The following CTNND2 variants were observed in gnomAD, a reference collection of about 807,000 sequenced individuals.
The protein encoded by CTNND2 is catenin delta 2.
Under a neutral mutation model 144.4 loss-of-function variants are expected in CTNND2, and 22 were observed. The observed-to-expected ratio is 0.15, with a 90% confidence interval of 0.11 to 0.22. The LOEUF (loss-of-function observed/expected upper bound fraction) is 0.22. Ranked by LOEUF, CTNND2 falls within the 10% of genes least tolerant of loss-of-function variation. The pLI is 1.00. For synonymous variants in CTNND2, 751 were observed against 695.6 expected (o/e 1.08, Z -1.25); for missense variants, 1,353 against 1,618.8 (o/e 0.84, Z 2.82).
chr5:11,395,747 G>A (rs61749798), intron 6 of CTNND2, among the ~76,000 whole-genome samples: 1 of 152,200 alleles, frequency 6.6e-6, no homozygotes, highest in Non-Finnish European at 1.5e-5. Context: ...AGAAGGTAAT[G>A]ACATTTTAAA....
chr5:11,168,967 G>A (rs1353665106), intron 11 of CTNND2, among the ~76,000 whole-genome samples: 1 of 152,158 alleles, frequency 6.6e-6, no homozygotes, highest in Non-Finnish European at 1.5e-5. Context: ...TCCTATCCCT[G>A]TGTTAGACCA....
chr5:11,423,247 T>C (rs1461872861), intron 3 of CTNND2, among the ~76,000 whole-genome samples: 3 of 152,236 alleles, frequency 2.0e-5, no homozygotes, highest in Admixed American at 6.5e-5. Context: ...GCATTCTATA[T>C]GCCACAATGA....
At chr5:11,546,432 TAGA>T (rs201387149) in intron 3 of CTNND2, among the ~76,000 whole-genome samples, 1,659 of 152,262 alleles carry the variant, frequency 0.011, 31 homozygotes, top group African/African-American at 0.036. Flanking sequence ...GTAAGATTTT[TAGA>T]AGAAGACACA....
At chr5:11,581,286 GTTC>G (rs1778409473) in intron 2 of CTNND2, among the ~76,000 whole-genome samples, 1 of 151,164 alleles carries the variant, frequency 6.6e-6, no homozygotes, top group Non-Finnish European at 1.5e-5. Context: ...AGCGTTTTAT[GTTC>G]TTCTTGGAAC....
At chr5:11,515,793 T>C (rs888691945) in intron 3 of CTNND2, among the ~76,000 whole-genome samples, 4 of 152,196 alleles carry the variant, frequency 2.6e-5, no homozygotes, top group African/African-American at 9.7e-5. Flanking sequence ...AAATCTATCA[T>C]AAAGTCTTTA....
At chr5:11,782,662 T>G (rs1242244335) in intron 1 of CTNND2, among the ~76,000 whole-genome samples, 1 of 152,232 alleles carries the variant, frequency 6.6e-6, no homozygotes, top group Non-Finnish European at 1.5e-5. Flanking sequence ...AAAAAATTTA[T>G]TTGCTTGGTC....
chr5:11,627,477 C>T (rs1781215661), intron 2 of CTNND2, among the ~76,000 whole-genome samples: 1 of 151,966 alleles, frequency 6.6e-6, no homozygotes, highest in South Asian at 2.1e-4. Context: ...GTTCAGACTC[C>T]ATGCAGGCAT....
At chr5:11,884,700 G>GA (rs1736389477) in intron 1 of CTNND2, among the ~76,000 whole-genome samples, 1 of 151,606 alleles carries the variant, frequency 6.6e-6, no homozygotes, top group South Asian at 2.1e-4. Context: ...GTACTATCTT[G>GA]AAAAAAAGTA....
chr5:11,186,481 C>G (rs530790727), intron 11 of CTNND2, among the ~76,000 whole-genome samples: 1 of 152,164 alleles, frequency 6.6e-6, no homozygotes, highest in Non-Finnish European at 1.5e-5. Flanking sequence ...TATGAGGTAA[C>G]CTCAAATTCA....
intron 2 of CTNND2, among the ~76,000 whole-genome samples, chr5:11,707,349 C>T (rs143878565): frequency 1.1e-4 from 16 of 152,286 alleles, no homozygotes; most frequent in African/African-American, 3.4e-4. Flanking sequence ...CTCTCATGCA[C>T]ACAGACCTAA....
chr5:10,974,159 C>G (rs967489628), intron 21 of CTNND2, among the ~76,000 whole-genome samples: 1 of 152,212 alleles, frequency 6.6e-6, no homozygotes, highest in Non-Finnish European at 1.5e-5. Flanking sequence ...CTCTAGAAAT[C>G]TGCCTAATAT....
At chr5:11,253,229 G>A (rs891967812) in intron 9 of CTNND2, among the ~76,000 whole-genome samples, 10 of 152,202 alleles carry the variant, frequency 6.6e-5, no homozygotes, top group Admixed American at 6.5e-4. Context: ...GGCCCCATTT[G>A]TTCAAATTCC....
At chr5:11,671,315 G>A (rs962322524) in intron 2 of CTNND2, among the ~76,000 whole-genome samples, 6 of 152,126 alleles carry the variant, frequency 3.9e-5, no homozygotes, top group African/African-American at 1.4e-4. Flanking sequence ...GAATTTGAAT[G>A]TTGGCCTGCC....
chr5:11,004,966 A>G (rs955005102), intron 18 of CTNND2, among the ~76,000 whole-genome samples: 5 of 152,156 alleles, frequency 3.3e-5, no homozygotes, highest in Non-Finnish European at 7.3e-5. Flanking sequence ...TGAGGGGAAG[A>G]TGAAGGAGAA....
intron 1 of CTNND2, among the ~76,000 whole-genome samples, chr5:11,887,950 A>T (rs1582070627): frequency 6.6e-6 from 1 of 152,226 alleles, no homozygotes; most frequent in South Asian, 2.1e-4. Context: ...CAAGCTATAT[A>T]TAAAGTAGAT....
intron 2 of CTNND2, among the ~76,000 whole-genome samples, chr5:11,587,711 G>A (rs1033459368): frequency 6.6e-6 from 1 of 151,944 alleles, no homozygotes; most frequent in African/African-American, 2.4e-5. Context: ...TTTAAGTTTA[G>A]AGATAAATAC....
intron 3 of CTNND2, among the ~76,000 whole-genome samples, chr5:11,474,432 AATG>A (rs1321612306): frequency 6.6e-6 from 1 of 152,224 alleles, no homozygotes; most frequent in Non-Finnish European, 1.5e-5. Context: ...AAGGTTTAAA[AATG>A]ATATTATGAG....
intron 9 of CTNND2, among the ~76,000 whole-genome samples, chr5:11,276,725 C>T (rs1376714964): frequency 1.3e-5 from 2 of 152,278 alleles, no homozygotes; most frequent in Middle Eastern, 6.8e-3. Flanking sequence ...ATCCTGGATT[C>T]AGGGTGGGCA....
intron 1 of CTNND2, among the ~76,000 whole-genome samples, chr5:11,884,922 T>C (rs1346173781): frequency 1.4e-5 from 2 of 143,762 alleles, no homozygotes; most frequent in East Asian, 2.0e-4. Flanking sequence ...GATAATCATA[T>C]AGTGTTTTGT....
Sources: gnomAD v4.1 joint callset for allele counts (sites outside exome capture counted in the v4.1 genomes callset) on GRCh38, gnomAD v4.1.1 for gene constraint, MANE v1.5 for transcripts, NCBI Gene and HGNC (gene_info 2026-07-23, HGNC 2026-07-21) for gene names.